Variants in PDLIM5 observed in about 807,000 individuals in gnomAD.
The protein encoded by PDLIM5 is PDZ and LIM domain 5.
In PDLIM5, 34 loss-of-function variants were observed where a neutral mutation model predicts 64.2. That is an observed-to-expected ratio of 0.53 (90% CI 0.40 to 0.71). PDLIM5 has a LOEUF of 0.71. PDLIM5 is among the 30% of genes least tolerant of loss of function. The pLI is 0.00. For synonymous variants in PDLIM5, 253 were observed against 269.1 expected, an observed-to-expected ratio of 0.94 and a Z score of 0.59; for missense variants, 683 against 733.6, an observed-to-expected ratio of 0.93 and a Z score of 0.80.
At chr4:94,479,651 T>C (rs898881719) in intron 2 of PDLIM5, among the ~76,000 whole-genome samples, 21 of 152,166 alleles carry the variant, frequency 1.4e-4, no homozygotes, top group African/African-American at 5.1e-4. Context: ...GTATATTGGA[T>C]TGTTTTAAGG....
At chr4:94,567,078 C>G (rs1032390999) in intron 3 of PDLIM5, among the ~76,000 whole-genome samples, 6 of 152,216 alleles carry the variant, frequency 3.9e-5, no homozygotes, top group Non-Finnish European at 5.9e-5. Context: ...ACTGCAAGCT[C>G]CGCCTCCCGG....
At chr4:94,594,871 T>C (rs1332069268) in intron 7 of PDLIM5, among the ~76,000 whole-genome samples, 1 of 152,152 alleles carries the variant, frequency 6.6e-6, no homozygotes, top group Non-Finnish European at 1.5e-5. Flanking sequence ...TTTTCACATA[T>C]TTATTATGGT....
chr4:94,589,437 G>A (rs1380112756), intron 7 of PDLIM5, among the ~76,000 whole-genome samples: 6 of 152,170 alleles, frequency 3.9e-5, no homozygotes, highest in African/African-American at 1.2e-4. Context: ...TTGAGTGTGA[G>A]GATAAATATT....
At chr4:94,622,830 C>T (rs913566630) in intron 8 of PDLIM5, among the ~76,000 whole-genome samples, 13 of 152,084 alleles carry the variant, frequency 8.5e-5, no homozygotes, top group South Asian at 2.1e-4. Flanking sequence ...GCCACCACAC[C>T]CAGCTAATTT....
intron 2 of PDLIM5, among the ~76,000 whole-genome samples, chr4:94,492,831 C>A (rs1266169082): frequency 2.0e-5 from 3 of 152,136 alleles, no homozygotes; most frequent in African/African-American, 7.2e-5. Context: ...CTGCTGTGAA[C>A]ATTTGTGCAC....
intron 2 of PDLIM5, among the ~76,000 whole-genome samples, chr4:94,458,796 T>G (rs1239731318): frequency 6.6e-6 from 1 of 152,176 alleles, no homozygotes; most frequent in African/African-American, 2.4e-5. Flanking sequence ...AGCTATAACA[T>G]TTTCACGTTG....
At chr4:94,504,293 CTT>C (rs1351386810) in intron 2 of PDLIM5, among the ~76,000 whole-genome samples, 7 of 143,400 alleles carry the variant, frequency 4.9e-5, no homozygotes, top group Admixed American at 7.0e-5. Context: ...GTGCGACTTT[CTT>C]TTTTTTTTTT....
intron 9 of PDLIM5, among the ~76,000 whole-genome samples, chr4:94,643,006 A>G (rs916363162): frequency 1.3e-5 from 2 of 152,136 alleles, no homozygotes; most frequent in Non-Finnish European, 2.9e-5. Context: ...AATTTGCCAA[A>G]AACCATTTTT....
intron 5 of PDLIM5, chr4:94,577,219 G>T (rs574591443): frequency 1.5e-5 from 7 of 457,162 alleles, no homozygotes; most frequent in South Asian, 1.1e-4. Flanking sequence ...CCAGTTCCCA[G>T]GAAAATATAA....
At chr4:94,539,256 A>G (rs1367490604) in intron 3 of PDLIM5, among the ~76,000 whole-genome samples, 1 of 152,208 alleles carries the variant, frequency 6.6e-6, no homozygotes, top group East Asian at 1.9e-4. Flanking sequence ...GTGTCTATGT[A>G]TAATATATAT....
chr4:94,660,800 A>G (rs912259256), intron 11 of PDLIM5, among the ~76,000 whole-genome samples: 2 of 152,192 alleles, frequency 1.3e-5, no homozygotes, highest in Non-Finnish European at 2.9e-5. Flanking sequence ...TTGGATTGAC[A>G]ATGTCAAAGG....
intron 11 of PDLIM5, among the ~76,000 whole-genome samples, chr4:94,661,269 A>T (rs953186575): frequency 2.0e-5 from 3 of 152,028 alleles, no homozygotes; most frequent in Non-Finnish European, 4.4e-5. Flanking sequence ...TGGCTTGTAC[A>T]TGTAGTCTCA....
chr4:94,471,875 C>T (rs1394054709), intron 2 of PDLIM5, among the ~76,000 whole-genome samples: 1 of 151,898 alleles, frequency 6.6e-6, no homozygotes, highest in Non-Finnish European at 1.5e-5. Flanking sequence ...TTACAAAGAT[C>T]TTATAAGTAT....
chr4:94,467,113 T>C (rs967119973), intron 2 of PDLIM5, among the ~76,000 whole-genome samples: 8 of 152,214 alleles, frequency 5.3e-5, no homozygotes, highest in Non-Finnish European at 1.0e-4. Context: ...TGTATTTTGT[T>C]AGATCATGAG....
At chr4:94,499,544 T>G (rs1727718339) in intron 2 of PDLIM5, among the ~76,000 whole-genome samples, 1 of 152,214 alleles carries the variant, frequency 6.6e-6, no homozygotes, top group Non-Finnish European at 1.5e-5. Flanking sequence ...TACATAGCAT[T>G]TACATTGTGT....
chr4:94,652,428 T>C (rs1024295505), intron 9 of PDLIM5, among the ~76,000 whole-genome samples: 1 of 152,224 alleles, frequency 6.6e-6, no homozygotes, highest in African/African-American at 2.4e-5. Flanking sequence ...GTATAACCAG[T>C]TGCCCACCTG....
rs749512170 is a variant in PDLIM5, at chr4:94,618,135, C to G, written c.1052C>G (p.Pro351Arg). 1 of 1,611,696 alleles carries G rather than the reference C, an allele frequency of 6.2e-7. No homozygotes were observed. The highest frequency in any genetic ancestry group is 2.2e-5 in the East Asian group (1 of 44,680). ...CTCACAGCTGCAGCTGCCTTCAAGC[C>G]TGTAGGATCCACTGGCGTCATCAAG... Reference protein sequence around the residue: ...TSLTAAAAFKPVGSTGVIKSP... With the variant: ...TSLTAAAAFKRVGSTGVIKSP... Residue 351 changes from proline to arginine, a missense_variant, in exon 8 of 13, where the codon CCT (proline) becomes CGT (arginine). By Grantham distance (103) the Pro-to-Arg change is moderately radical (BLOSUM62 -2). Transcript: ENST00000317968.
chr4:94,511,917 A>T (rs1290030892), intron 2 of PDLIM5, among the ~76,000 whole-genome samples: 1 of 152,088 alleles, frequency 6.6e-6, no homozygotes, highest in Non-Finnish European at 1.5e-5. Context: ...GGCTGTTGTG[A>T]ACACTGCTGC....
intron 3 of PDLIM5, among the ~76,000 whole-genome samples, chr4:94,556,818 T>C (rs1220725199): frequency 6.6e-6 from 1 of 152,180 alleles, no homozygotes; most frequent in Non-Finnish European, 1.5e-5. Flanking sequence ...CTTTGTCAGA[T>C]GAGTAGATTG....
Sources: gnomAD v4.1 joint callset for allele counts (sites outside exome capture counted in the v4.1 genomes callset) on GRCh38, gnomAD v4.1.1 for gene constraint, MANE v1.5 for transcripts, NCBI Gene and HGNC (gene_info 2026-07-23, HGNC 2026-07-21) for gene names.